LRGUK: variants seen among roughly 807,000 people sequenced by gnomAD.
LRGUK encodes the protein leucine rich repeats and guanylate kinase domain containing.
LRGUK carries 65 observed loss-of-function variants against 76.0 expected under a neutral mutation model. That is an observed-to-expected ratio of 0.85 (90% CI 0.70 to 1.05). The LOEUF is 1.05. Ranked by LOEUF, LRGUK falls within the 50% of genes least tolerant of loss-of-function variation. The pLI, the probability that LRGUK is intolerant of heterozygous loss-of-function variation, is 0.00. For synonymous variants in LRGUK, 268 were observed against 265.6 expected (o/e 1.01, Z -0.09); for missense variants, 758 against 732.8 (o/e 1.03, Z -0.40).
chr7:134,134,089 T>G (rs745928117), intron 1 of LRGUK, among the ~76,000 whole-genome samples: 9 of 151,484 alleles, frequency 5.9e-5, no homozygotes, highest in Non-Finnish European at 1.3e-4. Flanking sequence ...AAAAAAGAAA[T>G]TGCCCATAGG....
chr7:134,153,939 G>A (rs1479450347), intron 5 of LRGUK, among the ~76,000 whole-genome samples: 6 of 152,124 alleles, frequency 3.9e-5, no homozygotes, highest in African/African-American at 7.2e-5. Context: ...GTAGACAAAC[G>A]AATAAGAGCA....
At chr7:134,246,671 G>C (rs1366788151) in intron 16 of LRGUK, among the ~76,000 whole-genome samples, 2 of 152,084 alleles carry the variant, frequency 1.3e-5, no homozygotes, top group Non-Finnish European at 2.9e-5. Context: ...AAAACAGCAA[G>C]GCTTATTTCA....
intron 6 of LRGUK, among the ~76,000 whole-genome samples, chr7:134,162,323 G>C (rs1318622136): frequency 2.0e-5 from 3 of 152,042 alleles, no homozygotes; most frequent in Non-Finnish European, 4.4e-5. Context: ...TTAGTGTCAG[G>C]GTGTCTCCCC....
chr7:134,223,852 C>A (rs1179231016), intron 16 of LRGUK, among the ~76,000 whole-genome samples: 2 of 152,138 alleles, frequency 1.3e-5, no homozygotes, highest in Non-Finnish European at 2.9e-5. Context: ...GAACGCCTGG[C>A]CCCAAGTGAT....
At chr7:134,213,556 A>G (rs1801352199), downstream of LRGUK, among the ~76,000 whole-genome samples, 1 of 152,220 alleles carries the variant, frequency 6.6e-6, no homozygotes, top group East Asian at 1.9e-4. Context: ...TTAGAAATGT[A>G]TAATTTTCCT....
At chr7:134,161,007 A>G (rs949418824) in intron 6 of LRGUK, among the ~76,000 whole-genome samples, 1 of 152,136 alleles carries the variant, frequency 6.6e-6, no homozygotes, top group Non-Finnish European at 1.5e-5. Flanking sequence ...TTATGACATG[A>G]CAGTAGGCTA....
chr7:134,157,255 A>G (rs932584435), intron 5 of LRGUK, among the ~76,000 whole-genome samples: 2 of 152,216 alleles, frequency 1.3e-5, no homozygotes, highest in Non-Finnish European at 2.9e-5. Flanking sequence ...TCCTTTCTCT[A>G]ACAGGGTATT....
chr7:134,134,405 A>G (rs1313066534), intron 1 of LRGUK, among the ~76,000 whole-genome samples: 2 of 152,182 alleles, frequency 1.3e-5, no homozygotes, highest in Middle Eastern at 3.2e-3. Flanking sequence ...ATGGCCACCC[A>G]TAGGGATTCT....
chr7:134,208,128 A>G (rs1398237617), intron 15 of LRGUK, among the ~76,000 whole-genome samples: 1 of 152,162 alleles, frequency 6.6e-6, no homozygotes, highest in African/African-American at 2.4e-5. Flanking sequence ...GTTCTGAGCC[A>G]TGGTGCCTTG....
intron 16 of LRGUK, among the ~76,000 whole-genome samples, chr7:134,233,655 G>T (rs1366546867): frequency 6.6e-6 from 1 of 152,132 alleles, no homozygotes; most frequent in African/African-American, 2.4e-5. Flanking sequence ...TGTCTATTTT[G>T]ATTTCAGAAG....
chr7:134,137,178 T>C (rs1198837184), intron 2 of LRGUK, 48 bp downstream of exon 2: 13 of 1,342,048 alleles, frequency 9.7e-6, no homozygotes, highest in Non-Finnish European at 1.3e-5. Context: ...TGACACTGGC[T>C]AGACCATATT....
chr7:134,174,178 T>C lies in LRGUK; in HGVS notation c.940-378T>C, dbSNP rs546456727. Among the ~76,000 whole-genome samples the C allele has an allele frequency of 2.1e-4, 32 of 149,326 alleles. No individual in the cohort carries two copies. The East Asian group carries it at 2.8e-3, about 13-fold the overall frequency. Reference sequence around the variant, plus strand: ...ACAGAAGCAGGATTGGGGAAGGAAGTTGGGGGGCTGGAAGGCTAGGAATGG... The same window carrying C: ...ACAGAAGCAGGATTGGGGAAGGAAGCTGGGGGGCTGGAAGGCTAGGAATGG... On this transcript the variant is annotated intron_variant, in intron 7 of 15. Coordinates refer to ENST00000645682, the Ensembl canonical transcript of LRGUK.
intron 16 of LRGUK, among the ~76,000 whole-genome samples, chr7:134,246,516 G>C (rs1802305942): frequency 6.6e-6 from 1 of 152,214 alleles, no homozygotes; most frequent in South Asian, 2.1e-4. Flanking sequence ...AGCCCCCAAG[G>C]CTAAGACAGG....
chr7:134,252,102 G>A (rs1275253102), intron 18 of LRGUK, among the ~76,000 whole-genome samples: 1 of 151,976 alleles, frequency 6.6e-6, no homozygotes, highest in African/African-American at 2.4e-5. Flanking sequence ...GGGAAGGCAA[G>A]GTAGAAGGAT....
chr7:134,164,904 C>T (rs775191356), intron 7 of LRGUK, among the ~76,000 whole-genome samples: 104 of 152,310 alleles, frequency 6.8e-4, no homozygotes, highest in Admixed American at 1.0e-3. Context: ...GGCAACTTCT[C>T]CAGTTAATTC....
intron 11 of LRGUK, among the ~76,000 whole-genome samples, chr7:134,187,198 G>A (rs1800012240): frequency 1.3e-5 from 2 of 151,084 alleles, no homozygotes; most frequent in Non-Finnish European, 2.9e-5. Flanking sequence ...AAAAACCAAA[G>A]CACATTCGCA....
chr7:134,254,166 A>G (rs1351219346), intron 18 of LRGUK, among the ~76,000 whole-genome samples: 4 of 152,210 alleles, frequency 2.6e-5, no homozygotes, highest in Admixed American at 1.3e-4. Context: ...TTGAATTAGC[A>G]AAACTGATTT....
chr7:134,207,053 G>A (rs1267124497), intron 15 of LRGUK, among the ~76,000 whole-genome samples: 1 of 152,158 alleles, frequency 6.6e-6, no homozygotes, highest in Non-Finnish European at 1.5e-5. Context: ...TTATATATCT[G>A]ATTACAGAAA....
exon 1 of LRGUK, chr7:134,127,386 G>A (rs764509387): frequency 2.5e-6 from 4 of 1,609,378 alleles, no homozygotes; most frequent in East Asian, 2.2e-5. Flanking sequence ...CTCCGAGAGG[G>A]CTCTCCTGAG....
Sources: gnomAD v4.1 joint callset for allele counts (sites outside exome capture counted in the v4.1 genomes callset) on GRCh38, gnomAD v4.1.1 for gene constraint, MANE v1.5 for transcripts, NCBI Gene and HGNC (gene_info 2026-07-23, HGNC 2026-07-21) for gene names.